The following VSTM2A variants were observed in gnomAD, a reference collection of about 807,000 sequenced individuals.
VSTM2A encodes V-set and transmembrane domain-containing protein 2A.
VSTM2A carries 13 observed loss-of-function variants against 27.3 expected under a neutral mutation model. The ratio of observed to expected loss-of-function variants is 0.48; its 90% CI spans 0.31 to 0.76. VSTM2A has a LOEUF of 0.76. Among genes scored for constraint, VSTM2A ranks in the 30% least tolerant of loss-of-function variants. The pLI is 0.05. For synonymous variants in VSTM2A, 142 were observed against 125.7 expected (o/e 1.13, Z -0.87); for missense variants, 280 against 310.0 (o/e 0.90, Z 0.73).
rs7792293 is a variant in VSTM2A, at chr7:54,567,463, G to A, written c.635-1668G>A. ...ATAGGAAATGCTGCATCAAAATGAA[G>A]CAGCTGTTTCCATAATATCTCAATG... On this transcript the variant is annotated intron_variant, in intron 4 of 4. Transcript: ENST00000402613. Among the ~76,000 whole-genome samples, 1,511 of 152,264 alleles carry A rather than the reference G, an allele frequency of 9.9e-3. 12 individuals are homozygous for A. The highest frequency in any genetic ancestry group is 0.034 in the African/African-American group (1,397 of 41,536).
At chr7:54,542,917 T>C in intron 1 of VSTM2A, 108 bp downstream of exon 1, 1 of 1,043,588 alleles carries the variant, frequency 9.6e-7, no homozygotes, top group Non-Finnish European at 1.5e-6. Context: ...CAAGTAACAG[T>C]GGGCTTAGGC....
At chr7:54,544,855 G>T (rs1787895058) in intron 2 of VSTM2A, 67 bp downstream of exon 2, 7 of 1,493,358 alleles carry the variant, frequency 4.7e-6, no homozygotes, top group Middle Eastern at 4.7e-4. Flanking sequence ...CCGGCCCGGG[G>T]CTGGGGGCCG....
chr7:54,553,744 C>G, intron 4 of VSTM2A: 1 of 1,339,652 alleles, frequency 7.5e-7, no homozygotes, highest in Non-Finnish European at 1.0e-6. Context: ...AGGATCTTGA[C>G]CAGGATGGAG....
chr7:54,544,337 G>C (rs1787873261), intron 1 of VSTM2A, among the ~76,000 whole-genome samples: 1 of 152,212 alleles, frequency 6.6e-6, no homozygotes, highest in Admixed American at 6.5e-5. Flanking sequence ...CTGACAAAAG[G>C]TATTTGGATC....
chr7:54,564,633 C>T (rs548041504), intron 4 of VSTM2A, among the ~76,000 whole-genome samples: 1 of 152,292 alleles, frequency 6.6e-6, no homozygotes, highest in East Asian at 1.9e-4. Context: ...GAGCCCAGAG[C>T]TCTGGTTCTC....
At chr7:54,542,874 A>C in intron 1 of VSTM2A, 65 bp downstream of exon 1, 1 of 1,446,660 alleles carries the variant, frequency 6.9e-7, no homozygotes, top group Non-Finnish European at 9.7e-7. Context: ...ACACTCAAAA[A>C]GAATGGACAG....
rs184179823 is a variant in VSTM2A at position 54,554,797 on chromosome 7, C to T, written c.634+4627C>T. The stretch of plus-strand genomic sequence containing the variant: ...CACCCCAGCCTTCCTCCAGCCACAG[C>T]TCCAGTGGCTGTCTCATTGCAGCAT... On this transcript the variant is annotated intron_variant, in intron 4 of 4. Transcript: ENST00000402613. 6.6e-5 allele frequency among the ~76,000 whole-genome samples: 10 copies of T among 152,320 alleles called. No homozygotes were observed. The East Asian group carries it at 1.9e-3, about 29-fold the overall frequency.
At chr7:54,569,078 T>G (rs1788812601) in intron 4 of VSTM2A, 53 bp from the exon 5 acceptor site, 1 of 1,604,522 alleles carries the variant, frequency 6.2e-7, no homozygotes, top group Admixed American at 1.7e-5. Context: ...AAGGGTGCTT[T>G]GCTTTAATCT....
rs1314088761 is a variant in VSTM2A, at chr7:54,549,820, C to T, written c.298-14C>T. On this transcript the variant is annotated splice_polypyrimidine_tract_variant and intron_variant, in intron 3 of 4. Transcript: ENST00000402613. ...TGTAGCACTTTATTGTTTTTTTTAC[C>T]TGCAATTTTTCAGACAGTGAAAGTC... is the stretch of plus-strand genomic sequence containing the variant. 2.6e-6 allele frequency: 4 copies of T among 1,555,558 alleles called. No individual in the cohort carries two copies. In the East Asian group the frequency reaches 6.8e-5, roughly 26 times the overall value.
chr7:54,564,116 A>G (rs1788648385), intron 4 of VSTM2A, among the ~76,000 whole-genome samples: 1 of 152,208 alleles, frequency 6.6e-6, no homozygotes. Flanking sequence ...AAGAGCTGTA[A>G]TGGACACTCA....
chr7:54,558,260 T>C (rs928608842), intron 4 of VSTM2A: 2 of 152,174 alleles, frequency 1.3e-5, no homozygotes, highest in Non-Finnish European at 2.9e-5. Flanking sequence ...AGTTAGAATA[T>C]TATATAAAGC....
At chr7:54,553,834 C>A (rs187121027) in intron 4 of VSTM2A, 457 of 1,550,890 alleles carry the variant, frequency 2.9e-4, no homozygotes, top group Non-Finnish European at 3.6e-4. Flanking sequence ...TATACTAAGT[C>A]ATTCTCTACT....
intron 4 of VSTM2A, chr7:54,557,953 C>CA (rs1788425419): frequency 6.6e-6 from 1 of 151,884 alleles, no homozygotes. Context: ...TCAGAGCTTG[C>CA]TTTTTTTTCT....
chr7:54,567,053 T>C (rs1788746459), intron 4 of VSTM2A, among the ~76,000 whole-genome samples: 1 of 152,162 alleles, frequency 6.6e-6, no homozygotes. Flanking sequence ...TTTCTAAAAG[T>C]CTTTGGGCCT....
chr7:54,554,208 C>G, intron 4 of VSTM2A: 2 of 1,388,238 alleles, frequency 1.4e-6, no homozygotes, highest in Non-Finnish European at 1.9e-6. Flanking sequence ...TCACTCCTTC[C>G]TGACACTCTT....
chr7:54,555,069 T>G (rs1788307923), intron 4 of VSTM2A, among the ~76,000 whole-genome samples: 1 of 152,238 alleles, frequency 6.6e-6, no homozygotes, highest in South Asian at 2.1e-4. Flanking sequence ...GTCATTGGTC[T>G]TGAGGAAGCC....
intron 4 of VSTM2A, chr7:54,558,420 C>T (rs1009359641): frequency 6.6e-6 from 1 of 152,088 alleles, no homozygotes; most frequent in Admixed American, 6.6e-5. Flanking sequence ...CTCTCTGAAG[C>T]TTAAAGTCTT....
At chr7:54,560,221 A>C (rs1023992436) in intron 4 of VSTM2A, among the ~76,000 whole-genome samples, 2 of 152,164 alleles carry the variant, frequency 1.3e-5, no homozygotes, top group African/African-American at 4.8e-5. Context: ...AAATATCTAC[A>C]CATGTACATA....
At position 54,569,880 on chromosome 7, in the gene VSTM2A, A is replaced by G. The variant is rs990351616; in HGVS notation, c.*661A>G. On this transcript the variant is annotated 3_prime_UTR_variant, in exon 5 of 5. Coordinates refer to ENST00000402613, the MANE Select transcript of VSTM2A (RefSeq NM_001301009.2). ...TGTGCTATAACTTCAAAGTAGATGT[A>G]CTGCGACCCTCATGCAAGCTGATTT... 6.6e-6 allele frequency: 1 copy of G among 152,186 alleles called. No individual in the cohort carries two copies. The highest frequency in any genetic ancestry group is 1.5e-5 in the Non-Finnish European group (1 of 68,044). 9.4% of individuals were successfully genotyped at this position (152,186 alleles called of 1,614,324 possible). A position where few individuals can be genotyped will look rare whatever the true frequency, so the allele number is the denominator to read the frequency against.
Sources: allele counts gnomAD v4.1 joint callset (sites outside exome capture counted in the v4.1 genomes callset), GRCh38; gene constraint gnomAD v4.1.1; transcripts MANE v1.5; gene names NCBI Gene and HGNC (gene_info 2026-07-23, HGNC 2026-07-21).